FBXO9: variants seen among roughly 807,000 people sequenced by gnomAD.
The protein encoded by FBXO9 is F-box protein 9.
FBXO9 carries 43 observed loss-of-function variants against 63.7 expected under a neutral mutation model. That is an observed-to-expected ratio of 0.67 (90% CI 0.53 to 0.87). The LOEUF (loss-of-function observed/expected upper bound fraction) is 0.87, where lower values mean the gene tolerates loss of function less well. Among genes scored for constraint, FBXO9 ranks in the 40% least tolerant of loss-of-function variants. The probability of loss-of-function intolerance (pLI) is 0.00; values close to 1 mark genes in which losing one functional copy is unlikely to be tolerated. For missense variants in FBXO9, 442 were observed against 533.2 expected (o/e 0.83, Z 1.68); for synonymous variants, 156 against 171.7 (o/e 0.91, Z 0.72).
At chr6:53,067,836 A>G (rs1768761911) in intron 1 of FBXO9, 2 of 152,358 alleles carry the variant, frequency 1.3e-5, no homozygotes, top group South Asian at 4.1e-4. Flanking sequence ...TTGACAATAC[A>G]TTAATCCTTA....
chr6:53,076,347 T>A (rs1361166233), intron 3 of FBXO9, 139 bp from the exon 4 acceptor site: 1 of 598,366 alleles, frequency 1.7e-6, no homozygotes, highest in Non-Finnish European at 2.9e-6. Flanking sequence ...ATGTAAAGTA[T>A]GAGGTTTAGG....
At chr6:53,093,279 T>C in intron 9 of FBXO9, 187 bp from the exon 10 acceptor site, 1 of 473,638 alleles carries the variant, frequency 2.1e-6, no homozygotes, top group Non-Finnish European at 3.7e-6. Flanking sequence ...TAAAATATCT[T>C]TGGTTCTTTG....
intron 1 of FBXO9, 197 bp from the exon 2 acceptor site, chr6:53,070,860 T>C (rs1409565391): frequency 2.5e-6 from 2 of 792,742 alleles, no homozygotes; most frequent in African/African-American, 3.5e-5. Flanking sequence ...GTAGAGAATA[T>C]GCTTTTCAGA....
rs1562079252 is a variant in FBXO9 at position 53,100,415 on chromosome 6, T to C, written c.*2585T>C. 1 of 152,200 alleles carries C rather than the reference T, an allele frequency of 6.6e-6. No homozygotes were observed. Among genetic ancestry groups the C allele is most frequent in the Non-Finnish European group, 1.5e-5 (1 of 68,034 alleles). The allele number at this position is 152,200 out of a possible 1,614,324, so 9.4% of individuals were successfully genotyped here. A position where few individuals can be genotyped will look rare whatever the true frequency, so the allele number is the denominator to read the frequency against. On this transcript the variant is annotated 3_prime_UTR_variant, in exon 13 of 13. Coordinates refer to ENST00000323557, the MANE Select transcript of FBXO9 (RefSeq NM_033480.3). Reference sequence around the variant, plus strand: ...TACATTTCAGATCGTGCTGGAACTGTGTTCAGAAGATATCCTCAGAGGGAA... The same window carrying C: ...TACATTTCAGATCGTGCTGGAACTGCGTTCAGAAGATATCCTCAGAGGGAA...
rs568690677 is a variant in FBXO9 at position 53,086,138 on chromosome 6, A to C, written c.653+3520A>C. On this transcript the variant is annotated intron_variant, in intron 7 of 12. Transcript: ENST00000323557. ...CGCTCCAGCCTGAGCAACAAGAGTG[A>C]AACTACATCTCAAAAAAAAAGAAAA... 2.6e-5 allele frequency among the ~76,000 whole-genome samples: 4 copies of C among 152,326 alleles called. No individual in the cohort carries two copies. In the South Asian group the frequency reaches 8.3e-4, roughly 32 times the overall value.
At chr6:53,094,859 G>T in intron 11 of FBXO9, 1 of 361,306 alleles carries the variant, frequency 2.8e-6, no homozygotes, top group South Asian at 2.0e-5. Context: ...TTGGGAATTT[G>T]GAAGGCCTTA....
At chr6:53,082,738 C>T in intron 7 of FBXO9, 120 bp downstream of exon 7, 1 of 682,926 alleles carries the variant, frequency 1.5e-6, no homozygotes, top group Non-Finnish European at 2.4e-6. Flanking sequence ...TTAGAATAAA[C>T]AAGTTTTGCT....
At position 53,073,611 on chromosome 6, in the gene FBXO9, GA is replaced by G. The variant is rs1348315424; in HGVS notation, c.225del (p.Lys75AsnfsTer15). On this transcript the variant is annotated frameshift_variant, in exon 3 of 13. Transcript: ENST00000323557. LOFTEE classifies it high-confidence loss of function. ...CAGAAAACATCGGCAGATACCAAAG[GA>G]AAACAAGAACAGGCAAAAGAAGAAA... ...SLQKTSADTKGKQEQAKEEKA... is the reference protein window; with the variant it reads ...SLQKTSADTKXKQEQAKEEKA... 1 of 1,601,754 alleles carries G rather than the reference GA, an allele frequency of 6.2e-7. No individual in the cohort carries two copies. The highest frequency in any genetic ancestry group is 1.7e-5 in the Admixed American group (1 of 58,230).
intron 7 of FBXO9, among the ~76,000 whole-genome samples, chr6:53,089,371 G>A (rs529170743): frequency 2.6e-5 from 4 of 152,108 alleles, no homozygotes; most frequent in East Asian, 1.9e-4. Flanking sequence ...CACCGTGCCC[G>A]GCCAGCCCTA....
rs1763298958 is a variant in FBXO9, at chr6:53,099,564, G to C, written c.*1734G>C. 1 of 151,048 alleles carries C rather than the reference G, an allele frequency of 6.6e-6. No homozygotes were observed. The highest frequency in any genetic ancestry group is 6.6e-5 in the Admixed American group (1 of 15,118). The allele number at this position is 151,048 out of a possible 1,614,324, so 9.4% of individuals were successfully genotyped here. ...TAGACCAGCCTGGACAACATAGCAA[G>C]ACCTCATCTCTTCTAAAAATTAAAA... On this transcript the variant is annotated 3_prime_UTR_variant, in exon 13 of 13. Coordinates refer to ENST00000323557, the MANE Select transcript of FBXO9 (RefSeq NM_033480.3).
At chr6:53,092,988 A>G (rs983775403) in intron 9 of FBXO9, 164 bp downstream of exon 9, 10 of 459,198 alleles carry the variant, frequency 2.2e-5, no homozygotes, top group African/African-American at 4.0e-5. Context: ...ATAGGCTAAT[A>G]TAAATTACAG....
chr6:53,069,702 G>A (rs1014443341), intron 1 of FBXO9, among the ~76,000 whole-genome samples: 2 of 152,074 alleles, frequency 1.3e-5, no homozygotes, highest in African/African-American at 4.8e-5. Flanking sequence ...AAAAGAGTGA[G>A]GATTACAAAA....
At chr6:53,092,234 C>T in intron 7 of FBXO9, 195 bp from the exon 8 acceptor site, 1 of 536,698 alleles carries the variant, frequency 1.9e-6, no homozygotes, top group Non-Finnish European at 3.3e-6. Context: ...AGCGTACTAC[C>T]AGAAGCTTTC....
At position 53,097,779 on chromosome 6, in the gene FBXO9, GTTC is replaced by G; in HGVS notation, c.1267_1269del (p.Phe423del). On this transcript the variant is annotated inframe_deletion, in exon 13 of 13. Coordinates refer to ENST00000323557, the MANE Select transcript of FBXO9 (RefSeq NM_033480.3). ...AGATTGACAAGATGTACACCCCCTT[GTTC>G]TTCGCCAGAGTAAGGAGCTACACAG... The G allele has an allele frequency of 6.2e-7, 1 of 1,609,020 alleles. No individual in the cohort carries two copies. The highest frequency in any genetic ancestry group is 8.5e-7 in the Non-Finnish European group (1 of 1,177,492).
chr6:53,067,657 C>T (rs1445321723), intron 1 of FBXO9, among the ~76,000 whole-genome samples: 2 of 152,094 alleles, frequency 1.3e-5, no homozygotes, highest in African/African-American at 2.4e-5. Flanking sequence ...CAGGTCCCCT[C>T]GCATTACCTG....
upstream of FBXO9, chr6:53,065,165 C>CT (rs1768638216): frequency 6.6e-6 from 1 of 152,278 alleles, no homozygotes; most frequent in Admixed American, 6.5e-5. Flanking sequence ...GGGCGGCTTG[C>CT]TTTAAGGGCC....
At chr6:53,081,850 C>G (rs1390267611) in intron 6 of FBXO9, among the ~76,000 whole-genome samples, 1 of 152,176 alleles carries the variant, frequency 6.6e-6, no homozygotes, top group Non-Finnish European at 1.5e-5. Context: ...GGGAGGATCA[C>G]TTGAGGCCAG....
At chr6:53,073,713 A>G in intron 3 of FBXO9, 74 bp downstream of exon 3, 1 of 1,278,074 alleles carries the variant, frequency 7.8e-7, no homozygotes. Flanking sequence ...TGACACAGTA[A>G]GTAGGCATTA....
intron 12 of FBXO9, among the ~76,000 whole-genome samples, chr6:53,097,098 C>T (rs896585026): frequency 1.3e-5 from 2 of 152,142 alleles, no homozygotes; most frequent in Admixed American, 6.6e-5. Flanking sequence ...CTTGAATTCT[C>T]TGCTTTCGTT....
Sources: allele counts gnomAD v4.1 joint callset (sites outside exome capture counted in the v4.1 genomes callset), GRCh38; gene constraint gnomAD v4.1.1; transcripts MANE v1.5; gene names NCBI Gene and HGNC (gene_info 2026-07-23, HGNC 2026-07-21).